ARL13B: variants seen among roughly 807,000 people sequenced by gnomAD.
The protein encoded by ARL13B is ADP-ribosylation factor-like protein 13B.
A neutral mutation model predicts 56.1 loss-of-function variants in ARL13B; 36 were observed. The ratio of observed to expected loss-of-function variants is 0.64; its 90% CI spans 0.49 to 0.85. The LOEUF (loss-of-function observed/expected upper bound fraction) is 0.85, where lower values mean the gene tolerates loss of function less well. ARL13B is among the 40% of genes least tolerant of loss of function. The pLI, the probability that ARL13B is intolerant of heterozygous loss-of-function variation, is 0.00. For missense variants in ARL13B, 519 were observed against 507.1 expected, an observed-to-expected ratio of 1.02 and a Z score of -0.23; for synonymous variants, 178 against 171.1, an observed-to-expected ratio of 1.04 and a Z score of -0.32.
chr3:94,011,297 A>G (rs1447861618), intron 3 of ARL13B, among the ~76,000 whole-genome samples: 2 of 152,254 alleles, frequency 1.3e-5, no homozygotes, highest in East Asian at 1.9e-4. Context: ...AATGCTAAAC[A>G]TCGATAGATT....
chr3:93,982,095 G>A (rs2107310761), intron 1 of ARL13B, among the ~76,000 whole-genome samples: 1 of 152,310 alleles, frequency 6.6e-6, no homozygotes, highest in African/African-American at 2.4e-5. Context: ...ACGAGAAACA[G>A]TGAAAACGTG....
chr3:94,035,843 G>C (rs1221700246), intron 4 of ARL13B, among the ~76,000 whole-genome samples: 1 of 152,048 alleles, frequency 6.6e-6, no homozygotes, highest in Non-Finnish European at 1.5e-5. Context: ...AGGTTGAAGG[G>C]GGCAGATTGC....
chr3:93,996,510 T>C (rs1455383190), intron 2 of ARL13B: 2 of 274,168 alleles, frequency 7.3e-6, no homozygotes, highest in East Asian at 1.6e-4. Context: ...GAATGCTGGC[T>C]AGTCTTCTTT....
At chr3:94,014,540 C>A in intron 3 of ARL13B, 1 of 1,612,862 alleles carries the variant, frequency 6.2e-7, no homozygotes. Context: ...ATGCTCTCTC[C>A]TTGTTCCTCT....
At position 94,029,334 on chromosome 3, in the gene ARL13B, A is replaced by ATTT. The variant is rs71105171; in HGVS notation, c.381-5996_381-5994dup. ...TATATATATATATATATATATATAT[A>ATTT]TTTATTTTTTTTTTATTTTTTTTTT... On this transcript the variant is annotated intron_variant, in intron 3 of 9. Coordinates refer to ENST00000394222, the MANE Select transcript of ARL13B (RefSeq NM_001174150.2). Among the ~76,000 whole-genome samples, 85 of 53,374 alleles carry ATTT rather than the reference A, an allele frequency of 1.6e-3. 2 individuals carry two copies. The highest frequency in any genetic ancestry group is 9.4e-3 in the Middle Eastern group (1 of 106). The allele number at this position is 53,374 out of a possible 152,430, so 35.0% of individuals were successfully genotyped here.
In ARL13B at chr3:93,980,184, G is replaced by T. The variant is rs1390697928; in HGVS notation, c.-240G>T. 3 of 678,058 alleles carry T rather than the reference G, an allele frequency of 4.4e-6. No homozygotes were observed. The highest frequency in any genetic ancestry group is 5.5e-5 in the East Asian group (2 of 36,342). 42.0% of individuals were successfully genotyped at this position (678,058 alleles called of 1,614,324 possible). On this transcript the variant is annotated 5_prime_UTR_variant, in exon 1 of 10. Coordinates refer to ENST00000394222, the MANE Select transcript of ARL13B (RefSeq NM_001174150.2). ...TTCTTTAGCCGGGTCCCGCTAACTC[G>T]GCTACGGTGTATCTGCGTCTTTGGT...
chr3:94,024,780 G>T (rs2076521823), intron 3 of ARL13B, among the ~76,000 whole-genome samples: 1 of 151,962 alleles, frequency 6.6e-6, no homozygotes, highest in Admixed American at 6.6e-5. Context: ...TAAAGATGAG[G>T]TCTTGCTGTG....
intron 9 of ARL13B, among the ~76,000 whole-genome samples, chr3:94,051,708 T>C (rs1169367334): frequency 6.6e-6 from 1 of 152,126 alleles, no homozygotes. Context: ...GTTTACCTAG[T>C]CTAGAACTTG....
At chr3:94,038,045 A>T (rs2076799598) in intron 5 of ARL13B, among the ~76,000 whole-genome samples, 1 of 152,222 alleles carries the variant, frequency 6.6e-6, no homozygotes, top group African/African-American at 2.4e-5. Flanking sequence ...TTTTTACTTC[A>T]CTAAATCCAA....
chr3:94,052,153 G>A (rs2077076553), intron 9 of ARL13B, among the ~76,000 whole-genome samples: 1 of 151,942 alleles, frequency 6.6e-6, no homozygotes, highest in Non-Finnish European at 1.5e-5. Context: ...TAATGTTACT[G>A]TGTATATTTA....
chr3:93,982,121 G>A (rs1249660528), intron 1 of ARL13B, among the ~76,000 whole-genome samples: 6 of 152,160 alleles, frequency 3.9e-5, no homozygotes, highest in Non-Finnish European at 5.9e-5. Flanking sequence ...CGAAGAAGGA[G>A]TGTTCAATTT....
At chr3:94,012,856 A>G (rs1348834037) in intron 3 of ARL13B, among the ~76,000 whole-genome samples, 2 of 152,124 alleles carry the variant, frequency 1.3e-5, no homozygotes, top group African/African-American at 2.4e-5. Flanking sequence ...TCCCAAATCC[A>G]TTCTAACCCA....
chr3:94,028,088 T>A (rs2076595125), intron 3 of ARL13B, among the ~76,000 whole-genome samples: 1 of 152,202 alleles, frequency 6.6e-6, no homozygotes, highest in South Asian at 2.1e-4. Flanking sequence ...CTAGTATTTT[T>A]TAAATGAGAG....
intron 1 of ARL13B, among the ~76,000 whole-genome samples, chr3:93,993,206 A>T (rs1453322489): frequency 6.6e-6 from 1 of 151,810 alleles, no homozygotes; most frequent in Non-Finnish European, 1.5e-5. Flanking sequence ...GCTCATTGCA[A>T]CCTCTGCCTC....
chr3:93,997,625 G>A (rs1248407813), intron 2 of ARL13B, among the ~76,000 whole-genome samples: 2 of 152,122 alleles, frequency 1.3e-5, no homozygotes, highest in Non-Finnish European at 2.9e-5. Flanking sequence ...TTTAGACCTT[G>A]CAGTCATCCA....
chr3:94,007,854 G>T (rs1412696991), intron 3 of ARL13B, among the ~76,000 whole-genome samples: 1 of 152,156 alleles, frequency 6.6e-6, no homozygotes, highest in African/African-American at 2.4e-5. Context: ...TATTAGCTCA[G>T]AAGTTCTTTT....
At chr3:94,021,764 T>C (rs1288693041) in intron 3 of ARL13B, among the ~76,000 whole-genome samples, 1 of 152,210 alleles carries the variant, frequency 6.6e-6, no homozygotes, top group Non-Finnish European at 1.5e-5. Context: ...GACTCCCTAA[T>C]CTATAAGCTC....
chr3:93,996,660 G>A (rs2075972470), intron 2 of ARL13B: 2 of 431,850 alleles, frequency 4.6e-6, no homozygotes, highest in Non-Finnish European at 9.4e-6. Context: ...TTACAGGCAT[G>A]AGCCACCACG....
At chr3:94,014,494 T>C in intron 3 of ARL13B, 2 of 1,610,098 alleles carry the variant, frequency 1.2e-6, no homozygotes, top group Non-Finnish European at 1.7e-6. Flanking sequence ...GTTAACATAC[T>C]CTTTTGTACT....
Sources: allele counts gnomAD v4.1 joint callset (sites outside exome capture counted in the v4.1 genomes callset), GRCh38; gene constraint gnomAD v4.1.1; transcripts MANE v1.5; gene names NCBI Gene and HGNC (gene_info 2026-07-23, HGNC 2026-07-21).